Variants in DMD observed in about 807,000 individuals in gnomAD.
DMD encodes the protein mutant dystrophin.
DMD carries 63 observed loss-of-function variants against 330.1 expected under a neutral mutation model. That is an observed-to-expected ratio of 0.19 (90% confidence interval 0.16 to 0.24). DMD has a LOEUF of 0.24. Among genes scored for constraint, DMD ranks in the 10% least tolerant of loss-of-function variants. The pLI, the probability that DMD is intolerant of heterozygous loss-of-function variation, is 1.00. For missense variants in DMD, 3,344 were observed against 2,684.1 expected (o/e 1.25, Z -5.43); for synonymous variants, 1,223 against 959.8 (o/e 1.27, Z -5.07).
At chrX:32,570,825 ATT>A (rs2052334358) in intron 15 of DMD, among the ~76,000 whole-genome samples, 1 of 111,680 alleles carries the variant, frequency 9.0e-6, no homozygotes, top group Non-Finnish European at 1.9e-5. Context: ...ACATATTTGG[ATT>A]TTGTCAGTTT....
intron 30 of DMD, among the ~76,000 whole-genome samples, chrX:32,400,122 A>G (rs992227154): frequency 1.8e-5 from 2 of 111,487 alleles, no homozygotes; most frequent in East Asian, 5.7e-4. Context: ...ATTATTTTGA[A>G]ATACGTCCCA....
intron 52 of DMD, among the ~76,000 whole-genome samples, chrX:31,721,710 C>CA (rs1167604652): frequency 3.7e-5 from 2 of 54,733 alleles, no homozygotes; most frequent in African/African-American, 1.6e-4. Flanking sequence ...CTCTCTCTCT[C>CA]TCTCTCTCTA....
intron 7 of DMD, among the ~76,000 whole-genome samples, chrX:32,806,008 T>C (rs1235210773): frequency 9.0e-6 from 1 of 111,594 alleles, no homozygotes; most frequent in Non-Finnish European, 1.9e-5. Context: ...ATCGACACCA[T>C]GAAGAAACTG....
chrX:31,306,847 G>T (rs939269112), intron 62 of DMD, among the ~76,000 whole-genome samples: 8 of 111,592 alleles, frequency 7.2e-5, no homozygotes, highest in African/African-American at 2.3e-4. Context: ...TTAAAATATT[G>T]CTGGTCTGGG....
chrX:32,462,392 G>C (rs1327305101), intron 25 of DMD, among the ~76,000 whole-genome samples: 1 of 112,059 alleles, frequency 8.9e-6, no homozygotes, highest in Non-Finnish European at 1.9e-5. Flanking sequence ...CAAAACTGCA[G>C]ATGATCGGGG....
At chrX:32,364,158 A>G (rs1054537031) in intron 36 of DMD, among the ~76,000 whole-genome samples, 2 of 112,015 alleles carry the variant, frequency 1.8e-5, no homozygotes, top group African/African-American at 6.5e-5. Context: ...CTAATTACCA[A>G]GATTTGGATA....
At chrX:31,152,152 G>T (rs2037495188) in intron 74 of DMD, among the ~76,000 whole-genome samples, 1 of 110,026 alleles carries the variant, frequency 9.1e-6, no homozygotes, top group South Asian at 3.8e-4. Context: ...TTATTTTAGC[G>T]AGTGGTACCC....
intron 7 of DMD, among the ~76,000 whole-genome samples, chrX:32,775,514 C>T (rs779006194): frequency 3.5e-5 from 4 of 113,331 alleles, no homozygotes; most frequent in South Asian, 7.1e-4. Context: ...TCTGCACAGC[C>T]GTAGGCAGAA....
chrX:32,433,448 C>T (rs1375249462), intron 29 of DMD, among the ~76,000 whole-genome samples: 3 of 111,881 alleles, frequency 2.7e-5, no homozygotes, highest in Non-Finnish European at 5.6e-5. Context: ...GAGGCCGAGG[C>T]GGGCGGATAA....
chrX:33,306,995 C>A (rs1439110855), intron 1 of DMD, among the ~76,000 whole-genome samples: 1 of 111,409 alleles, frequency 9.0e-6, no homozygotes, highest in African/African-American at 3.3e-5. Flanking sequence ...GAGTATTGGA[C>A]AAAATTCTTT....
At chrX:31,620,643 G>A (rs994266208) in intron 55 of DMD, among the ~76,000 whole-genome samples, 1 of 110,547 alleles carries the variant, frequency 9.0e-6, no homozygotes. Context: ...TCGAACTCCC[G>A]ACCTCAGGTG....
chrX:32,070,250 C>A (rs775529299), intron 44 of DMD, among the ~76,000 whole-genome samples: 7 of 111,351 alleles, frequency 6.3e-5, no homozygotes, highest in African/African-American at 2.0e-4. Flanking sequence ...CAGAGGGCTA[C>A]AAAGAGGTAT....
chrX:32,699,968 T>A (rs1166763840), intron 7 of DMD, among the ~76,000 whole-genome samples: 2 of 112,032 alleles, frequency 1.8e-5, no homozygotes, highest in Non-Finnish European at 3.8e-5. Flanking sequence ...GCACATTAAG[T>A]TGATCTGACT....
At chrX:32,594,846 G>T (rs903761905) in intron 13 of DMD, among the ~76,000 whole-genome samples, 1 of 111,498 alleles carries the variant, frequency 9.0e-6, no homozygotes, top group Non-Finnish European at 1.9e-5. Context: ...AGCATTCCAC[G>T]ACAATTCCAG....
chrX:32,034,406 T>C (rs1003466784), intron 44 of DMD, among the ~76,000 whole-genome samples: 2 of 111,846 alleles, frequency 1.8e-5, no homozygotes, highest in Non-Finnish European at 3.8e-5. Flanking sequence ...AACTTGACTA[T>C]AGAGTCATAA....
chrX:32,498,740 T>C (rs770857431), intron 19 of DMD, among the ~76,000 whole-genome samples: 5 of 111,924 alleles, frequency 4.5e-5, no homozygotes, highest in African/African-American at 1.6e-4. Context: ...AAAAAGTATC[T>C]TCCAATTGAT....
intron 67 of DMD, among the ~76,000 whole-genome samples, chrX:31,202,882 A>C (rs995881559): frequency 8.9e-6 from 1 of 112,741 alleles, no homozygotes; most frequent in African/African-American, 3.2e-5. Context: ...AAAAATGTTT[A>C]TATTATTTTG....
In DMD at chrX:32,365,926, T is replaced by C. The variant is rs181468075; in HGVS notation, c.4846-727A>G. On this transcript the variant is annotated intron_variant, in intron 34 of 78. Coordinates refer to ENST00000357033, the MANE Select transcript of DMD (RefSeq NM_004006.3). ...TTTCTATTAGTGACAAAGTCATGGG[T>C]ATCTCTATTGCTGGAGTTTGTTGCT... Among the ~76,000 whole-genome samples the C allele has an allele frequency of 8.9e-4, 99 of 111,610 alleles. 1 individual carries two copies. The highest frequency in any genetic ancestry group is 3.1e-3 in the African/African-American group (96 of 30,733).
chrX:33,059,969 A>T (rs926470119), intron 1 of DMD, among the ~76,000 whole-genome samples: 1 of 112,268 alleles, frequency 8.9e-6, no homozygotes, highest in African/African-American at 3.2e-5. Context: ...AGCCAAGATT[A>T]GTTTTCAGTT....
Sources: gnomAD v4.1 joint callset for allele counts (sites outside exome capture counted in the v4.1 genomes callset) on GRCh38, gnomAD v4.1.1 for gene constraint, MANE v1.5 for transcripts, NCBI Gene and HGNC (gene_info 2026-07-23, HGNC 2026-07-21) for gene names.